TEKT5: variants seen among roughly 807,000 people sequenced by gnomAD.
TEKT5 encodes the protein tektin-5.
A neutral mutation model predicts 48.7 loss-of-function variants in TEKT5; 52 were observed. The observed-to-expected ratio is 1.07, with a 90% CI of 0.86 to 1.35. The LOEUF is 1.35. Ranked by LOEUF, TEKT5 falls within the 40% of genes most tolerant of loss-of-function variation. The pLI is 0.00. For missense variants in TEKT5, 831 were observed against 641.6 expected, an observed-to-expected ratio of 1.30 and a Z score of -3.19; for synonymous variants, 318 against 267.6, an observed-to-expected ratio of 1.19 and a Z score of -1.84.
chr16:10,635,724 C>A, intron 6 of TEKT5, 40 bp downstream of exon 6: 1 of 1,592,480 alleles, frequency 6.3e-7, no homozygotes, highest in Non-Finnish European at 8.6e-7. Context: ...TTCCTGGATT[C>A]CCAGGGGTTC....
chr16:10,687,747 C>T (rs974955366), intron 3 of TEKT5, among the ~76,000 whole-genome samples: 6 of 152,158 alleles, frequency 3.9e-5, no homozygotes, highest in East Asian at 3.8e-4. Context: ...AATGAGACTT[C>T]GTCTCAAACA....
At chr16:10,672,025 G>A (rs1466887909) in intron 5 of TEKT5, among the ~76,000 whole-genome samples, 1 of 152,174 alleles carries the variant, frequency 6.6e-6, no homozygotes, top group Non-Finnish European at 1.5e-5. Flanking sequence ...AAAGGGGAGG[G>A]AGTGTTTAAT....
chr16:10,691,161 C>G (rs1276022586), intron 1 of TEKT5: 1 of 112,706 alleles, frequency 8.9e-6, no homozygotes, highest in Non-Finnish European at 1.8e-5. Flanking sequence ...GAGACCCCAT[C>G]TCTACAAAAA....
intron 4 of TEKT5, among the ~76,000 whole-genome samples, chr16:10,676,436 C>T (rs951086874): frequency 7.9e-5 from 12 of 152,158 alleles, no homozygotes; most frequent in African/African-American, 2.7e-4. Flanking sequence ...GGTGCAGTCG[C>T]CCCTTGTTGA....
intron 4 of TEKT5, among the ~76,000 whole-genome samples, chr16:10,680,457 ATTTT>A (rs58130091): frequency 6.8e-6 from 1 of 147,330 alleles, no homozygotes. Flanking sequence ...TGTGCTAGGG[ATTTT>A]TTTTTTTTTT....
intron 5 of TEKT5, among the ~76,000 whole-genome samples, chr16:10,660,539 G>C (rs920323247): frequency 6.6e-6 from 1 of 152,066 alleles, no homozygotes; most frequent in Non-Finnish European, 1.5e-5. Context: ...CTCCTCATCC[G>C]GGAGACAGAG....
At position 10,677,683 on chromosome 16, in the gene TEKT5, CAATAGGTGTTATAAAAGCCCCAGAAA is replaced by C. The variant is rs879740993; in HGVS notation, c.864-1528_864-1503del. 4.1e-3 allele frequency among the ~76,000 whole-genome samples: 408 copies of C among 99,632 alleles called. 1 individual carries two copies. Among genetic ancestry groups the C allele is most frequent in the African/African-American group, 0.015 (218 of 14,950 alleles). The allele number at this position is 99,632 out of a possible 152,430, so 65.4% of individuals were successfully genotyped here. A position where few individuals can be genotyped will look rare whatever the true frequency, so the allele number is the denominator to read the frequency against. The stretch of plus-strand genomic sequence containing the variant: ...CTGTAAAGGGCAAGAGAAAAGGAAG[CAATAGGTGTTATAAAAGCCCCAGAAA>C]AGGAGGAACCATGGTTGACCAGTGT... On this transcript the variant is annotated intron_variant, in intron 4 of 6. Coordinates refer to ENST00000283025, the MANE Select transcript of TEKT5 (RefSeq NM_144674.2).
Position 10,694,464 on chromosome 16 carries a change from G to T in TEKT5, c.410C>A (p.Thr137Asn), listed in dbSNP as rs200520610. The T allele has an allele frequency of 1.2e-6, 2 of 1,614,136 alleles. No homozygotes were observed. Among genetic ancestry groups the T allele is most frequent in the Non-Finnish European group, 1.7e-6 (2 of 1,180,032 alleles). ...DQLTHQMQEGTCRNLGQRLSD... is the reference protein window; with the variant it reads ...DQLTHQMQEGNCRNLGQRLSD... ...CAGCCTCTGGCCCAGGTTCCGGCAGGTGCCCTCCTGCATCTGGTGCGTCAG... is the reference window on the plus strand; with the variant it reads ...CAGCCTCTGGCCCAGGTTCCGGCAGTTGCCCTCCTGCATCTGGTGCGTCAG... The change falls in exon 1 of 7, where the codon ACC (threonine) becomes AAC (asparagine). Residue 137 changes from threonine to asparagine, a missense_variant. Transcript: ENST00000283025.
rs140262913 is a variant in TEKT5, at chr16:10,650,181, C to T, written c.1087-14263G>A. ...CCGCTTCCTGGGTTCAAGCAATTCT[C>T]CTGCCTCTGGGATTACAGGTGTGTG... is the stretch of plus-strand genomic sequence containing the variant. On this transcript the variant is annotated intron_variant, in intron 5 of 6. Transcript: ENST00000283025. Among the ~76,000 whole-genome samples, 1,387 of 152,194 alleles carry T rather than the reference C, an allele frequency of 9.1e-3. 18 individuals are homozygous for T. Among genetic ancestry groups the T allele is most frequent in the African/African-American group, 0.032 (1,316 of 41,526 alleles).
At chr16:10,660,576 T>C (rs907574316) in intron 5 of TEKT5, among the ~76,000 whole-genome samples, 8 of 152,062 alleles carry the variant, frequency 5.3e-5, no homozygotes, top group Non-Finnish European at 2.9e-5. Context: ...TCTCTATGAA[T>C]TCCACCTTCA....
At chr16:10,689,470 T>TCCA (rs1408716658) in intron 2 of TEKT5, 147 bp from the exon 3 acceptor site, 1 of 601,370 alleles carries the variant, frequency 1.7e-6, no homozygotes, top group Non-Finnish European at 2.9e-6. Flanking sequence ...CCCGCCTCAA[T>TCCA]CCACGTGACC....
Position 10,627,601 on chromosome 16 carries a change from G to A in TEKT5, c.1440C>T (p.Arg480=), listed in dbSNP as rs368632442. Residue 480 remains arginine (R), a synonymous_variant, in exon 7 of 7, where the codon CGC becomes CGT. Coordinates refer to ENST00000283025, the MANE Select transcript of TEKT5 (RefSeq NM_144674.2). ...GMRKTFPCTP[R]LVGHT Reference sequence around the variant, plus strand: ...GCGGTGCTCAGGTGTGGCCCACCAGGCGCGGGGTGCAGGGGAAGGTCTTAC... The same window carrying A: ...GCGGTGCTCAGGTGTGGCCCACCAGACGCGGGGTGCAGGGGAAGGTCTTAC... The A allele has an allele frequency of 1.9e-6, 3 of 1,614,050 alleles. No individual in the cohort carries two copies. Among genetic ancestry groups the A allele is most frequent in the African/African-American group, 2.7e-5 (2 of 74,958 alleles).
At chr16:10,639,243 G>A (rs1038090643) in intron 5 of TEKT5, among the ~76,000 whole-genome samples, 2 of 152,104 alleles carry the variant, frequency 1.3e-5, no homozygotes, top group South Asian at 4.1e-4. Flanking sequence ...GGAGTTCAAG[G>A]TTGCAGTGAG....
At chr16:10,666,492 C>T (rs1898458413) in intron 5 of TEKT5, among the ~76,000 whole-genome samples, 1 of 152,190 alleles carries the variant, frequency 6.6e-6, no homozygotes, top group South Asian at 2.1e-4. Context: ...CCAGCAGCAC[C>T]CCCTCACCAA....
At chr16:10,645,889 C>T (rs567180070) in intron 5 of TEKT5, among the ~76,000 whole-genome samples, 26 of 151,722 alleles carry the variant, frequency 1.7e-4, no homozygotes, top group African/African-American at 4.1e-4. Flanking sequence ...CAGCACTTTG[C>T]GGGGCACTGA....
At chr16:10,671,276 C>A (rs1567232615) in intron 5 of TEKT5, among the ~76,000 whole-genome samples, 1 of 152,166 alleles carries the variant, frequency 6.6e-6, no homozygotes, top group Non-Finnish European at 1.5e-5. Flanking sequence ...AAGTCATCCC[C>A]AGACCACAAA....
At chr16:10,683,685 G>T (rs1445532089) in intron 3 of TEKT5, among the ~76,000 whole-genome samples, 3 of 152,144 alleles carry the variant, frequency 2.0e-5, no homozygotes, top group Non-Finnish European at 4.4e-5. Context: ...CCGCCTCCTG[G>T]GTTCAAGGGG....
rs2719729 is a variant in TEKT5, at chr16:10,687,290, C to T, written c.719+1963G>A. On this transcript the variant is annotated intron_variant, in intron 3 of 6. Coordinates refer to ENST00000283025, the MANE Select transcript of TEKT5 (RefSeq NM_144674.2). ...CCAATTAGTTCAATGTTTTGAAATA[C>T]ACACGTAATTTCAGAACATCATGTT... is the stretch of plus-strand genomic sequence containing the variant. 0.017 allele frequency among the ~76,000 whole-genome samples: 2,520 copies of T among 152,248 alleles called. 131 individuals carry two copies. The East Asian group carries it at 0.17, about 10-fold the overall frequency.
intron 5 of TEKT5, among the ~76,000 whole-genome samples, chr16:10,643,584 G>C (rs534921653): frequency 6.6e-6 from 1 of 152,252 alleles, no homozygotes; most frequent in Admixed American, 6.5e-5. Context: ...ATTGAGATGA[G>C]CCGTAAGTAA....
Sources: gnomAD v4.1 joint callset for allele counts (sites outside exome capture counted in the v4.1 genomes callset) on GRCh38, gnomAD v4.1.1 for gene constraint, MANE v1.5 for transcripts, NCBI Gene and HGNC (gene_info 2026-07-23, HGNC 2026-07-21) for gene names.